Variants in FSIP2 observed in about 807,000 individuals in gnomAD.
The protein encoded by FSIP2 is fibrous sheath interacting protein 2, also known as fibrous sheath-interacting protein 2.
Under a neutral mutation model 510.5 loss-of-function variants are expected in FSIP2, and 367 were observed. That is an observed-to-expected ratio of 0.72 (90% CI 0.66 to 0.78). The LOEUF is 0.78. FSIP2 is among the 30% of genes least tolerant of loss of function. The pLI is 0.00. For synonymous variants in FSIP2, 2,601 were observed against 2,732.2 expected (o/e 0.95, Z 1.50); for missense variants, 7,594 against 7,901.7 (o/e 0.96, Z 1.48).
chr2:185,789,070 C>T lies in FSIP2; in HGVS notation c.1934C>T (p.Ser645Leu). 3 of 1,534,494 alleles carry T rather than the reference C, an allele frequency of 2.0e-6. No individual in the cohort carries two copies. Among genetic ancestry groups the T allele is most frequent in the Non-Finnish European group, 2.6e-6 (3 of 1,145,662 alleles). Residue 645 changes from serine to leucine, a missense_variant, in exon 16 of 23, where the codon TCA becomes TTA. By Grantham distance (145) the Ser-to-Leu change is moderately radical (BLOSUM62 -2). Coordinates refer to ENST00000424728, the MANE Select transcript of FSIP2 (RefSeq NM_173651.4). ...YSYPKLRSCK[S>L]DSHLLASFET... is the part of the protein sequence containing the mutation. ...TACCCTAAGCTCAGAAGTTGTAAAT[C>T]AGATAGTCACCTTTTAGCATCATTT...
intron 4 of FSIP2, 37 bp from the exon 5 acceptor site, chr2:185,745,392 G>T: frequency 2.4e-6 from 3 of 1,269,622 alleles, no homozygotes; most frequent in Non-Finnish European, 3.2e-6. Flanking sequence ...AATGTAAAAA[G>T]CATTATATAT....
In FSIP2 at chr2:185,794,737, A is replaced by T; in HGVS notation, c.7601A>T (p.His2534Leu). Residue 2534 changes from histidine to leucine, a missense_variant, in exon 16 of 23, where the codon CAT becomes CTT. By Grantham distance (99) the His-to-Leu change is moderately conservative (BLOSUM62 -3). Coordinates refer to ENST00000424728, the MANE Select transcript of FSIP2 (RefSeq NM_173651.4). ...ACACAGAAAAACAGTTTTCAATCAC[A>T]TATTAACAGTGTAGCAAATGACATA... Reference protein sequence around the residue: ...DTTQKNSFQSHINSVANDIVE... With the variant: ...DTTQKNSFQSLINSVANDIVE... 1 of 1,534,190 alleles carries T rather than the reference A, an allele frequency of 6.5e-7. No individual in the cohort carries two copies. Among genetic ancestry groups the T allele is most frequent in the Non-Finnish European group, 8.7e-7 (1 of 1,145,544 alleles).
At chr2:185,765,719 A>G (rs1379620779) in intron 13 of FSIP2, 2 of 151,926 alleles carry the variant, frequency 1.3e-5, no homozygotes, top group African/African-American at 4.8e-5. Context: ...CATTGAATCT[A>G]TAAATTACCT....
chr2:185,832,772 T>C (rs1248294105), intron 22 of FSIP2, among the ~76,000 whole-genome samples: 1 of 151,954 alleles, frequency 6.6e-6, no homozygotes, highest in Non-Finnish European at 1.5e-5. Context: ...TGAGAATTTA[T>C]ACTATTTTTT....
At position 185,833,072 on chromosome 2, in the gene FSIP2, T is replaced by A. The variant is rs1694135984; in HGVS notation, c.20588-18T>A. The A allele has an allele frequency of 6.2e-7, 1 of 1,608,188 alleles. No homozygotes were observed. Among genetic ancestry groups the A allele is most frequent in the Non-Finnish European group, 8.5e-7 (1 of 1,176,220 alleles). On this transcript the variant is annotated intron_variant, in intron 22 of 22. Coordinates refer to ENST00000424728, the MANE Select transcript of FSIP2 (RefSeq NM_173651.4). Reference sequence around the variant, plus strand: ...TCAAAAATAAAGATATCATTCTTCTTGTTTACTTTGTCCACAGAAACTCCC... The same window carrying A: ...TCAAAAATAAAGATATCATTCTTCTAGTTTACTTTGTCCACAGAAACTCCC...
intron 13 of FSIP2, among the ~76,000 whole-genome samples, chr2:185,781,680 CTT>C (rs1574174565): frequency 6.6e-6 from 1 of 152,182 alleles, no homozygotes; most frequent in Admixed American, 6.5e-5. Flanking sequence ...TCTCCTATCT[CTT>C]TGAAAGTTTA....
At position 185,793,124 on chromosome 2, in the gene FSIP2, GT is replaced by G. The variant is rs1693177914; in HGVS notation, c.5989del (p.Ser1997LeufsTer3). ...GKTNLCQLSL[S>X]KLNTYALQVA... Reference sequence around the variant, plus strand: ...AGACCAACTTGTGCCAACTGTCTTTGTCTAAATTAAATACTTATGCACTACA... The same window carrying G: ...AGACCAACTTGTGCCAACTGTCTTTGCTAAATTAAATACTTATGCACTACA... On this transcript the variant is annotated frameshift_variant, in exon 16 of 23. Coordinates refer to ENST00000424728, the MANE Select transcript of FSIP2 (RefSeq NM_173651.4). LOFTEE classifies it high-confidence loss of function. 2 of 1,534,326 alleles carry G rather than the reference GT, an allele frequency of 1.3e-6. No homozygotes were observed. Among genetic ancestry groups the G allele is most frequent in the East Asian group, 4.9e-5 (2 of 40,838 alleles).
intron 13 of FSIP2, 123 bp from the exon 14 acceptor site, chr2:185,782,582 A>G (rs1175940663): frequency 4.6e-6 from 3 of 658,638 alleles, no homozygotes; most frequent in East Asian, 5.5e-5. Context: ...CACTGTGGAG[A>G]GTCCCTGAAA....
chr2:185,802,827 A>T lies in FSIP2; in HGVS notation c.13521A>T (p.Ser4507=). 1 of 1,520,072 alleles carries T rather than the reference A, an allele frequency of 6.6e-7. No individual in the cohort carries two copies. The highest frequency in any genetic ancestry group is 8.8e-7 in the Non-Finnish European group (1 of 1,140,744). 94.2% of individuals were successfully genotyped at this position (1,520,072 alleles called of 1,614,324 possible). ...GAGTGAATTTCAATGACATTGCTTCAAACCTAGTTAGTGATATTAGGATGA... is the reference window on the plus strand; with the variant it reads ...GAGTGAATTTCAATGACATTGCTTCTAACCTAGTTAGTGATATTAGGATGA... ...ISRVNFNDIA[S]NLVSDIRMKV... Residue 4507 remains serine, a synonymous_variant, in exon 17 of 23, where the codon TCA becomes TCT. Coordinates refer to ENST00000424728, the MANE Select transcript of FSIP2 (RefSeq NM_173651.4).
At position 185,753,846 on chromosome 2, in the gene FSIP2, A is replaced by C. The variant is rs1386675933; in HGVS notation, c.991+4A>C. On this transcript the variant is annotated splice_donor_region_variant and intron_variant, in intron 8 of 22. Coordinates refer to ENST00000424728, the MANE Select transcript of FSIP2 (RefSeq NM_173651.4). Reference sequence around the variant, plus strand: ...AGAGGTCAAGATGGAACACATGGTGAATGTGAGAACATTAAAAGATGATGT... The same window carrying C: ...AGAGGTCAAGATGGAACACATGGTGCATGTGAGAACATTAAAAGATGATGT... The C allele has an allele frequency of 2.8e-6, 4 of 1,454,366 alleles. No individual in the cohort carries two copies. 90.1% of individuals were successfully genotyped at this position (1,454,366 alleles called of 1,614,324 possible).
chr2:185,815,271 T>C (rs1006272661), intron 18 of FSIP2, 100 bp from the exon 19 acceptor site: 1 of 634,258 alleles, frequency 1.6e-6, no homozygotes, highest in East Asian at 3.0e-5. Context: ...TCTGGAACTT[T>C]TTTCCATTAA....
chr2:185,785,852 A>T (rs568811061), intron 14 of FSIP2, among the ~76,000 whole-genome samples: 4 of 151,984 alleles, frequency 2.6e-5, no homozygotes, highest in African/African-American at 7.2e-5. Flanking sequence ...AAGGATTATC[A>T]GAAAGTCCTG....
At position 185,791,510 on chromosome 2, in the gene FSIP2, T is replaced by C. The variant is rs563465378; in HGVS notation, c.4374T>C (p.Cys1458=). ...CCCATCTTCATTCTCAGCTATCTTGTAGTCAACAAAGCAGAGAGATGACCA... is the reference window on the plus strand; with the variant it reads ...CCCATCTTCATTCTCAGCTATCTTGCAGTCAACAAAGCAGAGAGATGACCA... ...LGTHLHSQLS[C]SQQSREMTNK... is the part of the protein sequence containing the mutation. The change falls in exon 16 of 23, where the codon TGT becomes TGC. Residue 1458 remains cysteine (C), a synonymous_variant. Transcript: ENST00000424728. 6.5e-6 allele frequency: 10 copies of C among 1,534,382 alleles called. No homozygotes were observed. The East Asian group carries it at 2.2e-4, about 34-fold the overall frequency.
intron 13 of FSIP2, among the ~76,000 whole-genome samples, chr2:185,772,594 G>T (rs1238566550): frequency 1.3e-5 from 2 of 152,108 alleles, no homozygotes; most frequent in Non-Finnish European, 2.9e-5. Context: ...CATTACTGCT[G>T]TAAGGAGGGC....
Position 185,797,484 on chromosome 2 carries a change from A to G in FSIP2, c.10348A>G (p.Thr3450Ala). The G allele has an allele frequency of 1.3e-6, 2 of 1,515,398 alleles. No individual in the cohort carries two copies. Among genetic ancestry groups the G allele is most frequent in the Non-Finnish European group, 1.8e-6 (2 of 1,141,264 alleles). 93.9% of individuals were successfully genotyped at this position (1,515,398 alleles called of 1,614,324 possible). A position where few individuals can be genotyped will look rare whatever the true frequency, so the allele number is the denominator to read the frequency against. The part of the protein sequence containing the change: ...NEVHLIARHV[T>A]TSVVTYLKNF... ...AGTTCATCTGATAGCAAGACATGTC[A>G]CCACATCTGTGGTCACATATTTGAA... Residue 3450 changes from threonine (T) to alanine (A), a missense_variant, in exon 16 of 23, where the codon ACC becomes GCC. By Grantham distance (58) the Thr-to-Ala change is moderately conservative. Coordinates refer to ENST00000424728, the MANE Select transcript of FSIP2 (RefSeq NM_173651.4).
rs932874983 is a variant in FSIP2 at position 185,817,259 on chromosome 2, G to C, written c.20426+1788G>C. 1.8e-4 allele frequency among the ~76,000 whole-genome samples: 28 copies of C among 152,098 alleles called. 1 individual carries two copies. The highest frequency in any genetic ancestry group is 1.8e-3 in the Admixed American group (27 of 15,264). The stretch of plus-strand genomic sequence containing the variant: ...TTTGTTTCACCTGACTAGGAACTCA[G>C]ATAGGCAATGGTGTTATAGTTTGGT... On this transcript the variant is annotated intron_variant, in intron 19 of 22. Transcript: ENST00000424728.
intron 19 of FSIP2, among the ~76,000 whole-genome samples, chr2:185,823,240 G>T (rs921727991): frequency 6.6e-5 from 10 of 151,718 alleles, no homozygotes; most frequent in African/African-American, 2.4e-4. Context: ...AAAATTTTGT[G>T]CTTCAAAGGA....
At position 185,749,929 on chromosome 2, in the gene FSIP2, G is replaced by A. The variant is rs992922764; in HGVS notation, c.870+2506G>A. Among the ~76,000 whole-genome samples, 10 of 151,730 alleles carry A rather than the reference G, an allele frequency of 6.6e-5. No homozygotes were observed. In the East Asian group the frequency reaches 1.9e-3, roughly 29 times the overall value. ...GTGGTTTTATTGAATTCATATGTAG[G>A]TTTTCCTTTGTGGTTCATTGCTTAG... is the stretch of plus-strand genomic sequence containing the variant. On this transcript the variant is annotated intron_variant, in intron 7 of 22. Transcript: ENST00000424728.
chr2:185,828,991 A>G (rs1694063687), intron 21 of FSIP2, among the ~76,000 whole-genome samples: 1 of 151,988 alleles, frequency 6.6e-6, no homozygotes, highest in East Asian at 1.9e-4. Context: ...AAGATAATGG[A>G]TTTGTCACCC....
Sources: gnomAD v4.1 joint callset for allele counts (sites outside exome capture counted in the v4.1 genomes callset) on GRCh38, gnomAD v4.1.1 for gene constraint, MANE v1.5 for transcripts, NCBI Gene and HGNC (gene_info 2026-07-23, HGNC 2026-07-21) for gene names.